Variants in CYB5R3 observed in about 807,000 individuals in gnomAD.
CYB5R3 encodes cytochrome b5 reductase 3, also known as NADH-cytochrome b5 reductase 3.
In CYB5R3, 28 loss-of-function variants were observed where a neutral mutation model predicts 36.5. The ratio of observed to expected loss-of-function variants is 0.77; its 90% CI spans 0.57 to 1.05. The LOEUF (loss-of-function observed/expected upper bound fraction) is 1.05. Ranked by LOEUF, CYB5R3 falls within the 50% of genes least tolerant of loss-of-function variation. CYB5R3 has a pLI of 0.00. For synonymous variants in CYB5R3, 181 were observed against 159.8 expected (o/e 1.13, Z -1.00); for missense variants, 474 against 408.9 (o/e 1.16, Z -1.37).
chr22:42,636,898 C>T (rs1928931321), intron 1 of CYB5R3, 52 bp from the exon 2 acceptor site: 4 of 1,596,750 alleles, frequency 2.5e-6, no homozygotes, highest in African/African-American at 1.3e-5. Flanking sequence ...TTTCCCCAAA[C>T]ACACCGGCTT....
At position 42,628,188 on chromosome 22, in the gene CYB5R3, G is replaced by A. The variant is rs761227385; in HGVS notation, c.427C>T (p.Arg143Trp). Reference sequence around the variant, plus strand: ...TAGACCAGCAGCCCACTGGGGCCCCGGAACTCAATGGTGTCTCCAATCTGC... The same window carrying A: ...TAGACCAGCAGCCCACTGGGGCCCCAGAACTCAATGGTGTCTCCAATCTGC... ...SMQIGDTIEFRGPSGLLVYQG... is the reference protein window; with the variant it reads ...SMQIGDTIEFWGPSGLLVYQG... Residue 143 changes from arginine to tryptophan, a missense_variant, in exon 5 of 9, where the codon CGG (arginine) becomes TGG (tryptophan). Coordinates refer to ENST00000352397, the MANE Select transcript of CYB5R3 (RefSeq NM_000398.7). The A allele has an allele frequency of 4.3e-5, 69 of 1,613,868 alleles. No individual in the cohort carries two copies. The highest frequency in any genetic ancestry group is 5.1e-5 in the Non-Finnish European group (60 of 1,179,974).
intron 1 of CYB5R3, among the ~76,000 whole-genome samples, chr22:42,637,861 G>C: frequency 6.6e-6 from 1 of 152,300 alleles, no homozygotes; most frequent in South Asian, 2.1e-4. Context: ...CTTATACCAC[G>C]CTGGGATACC....
intron 8 of CYB5R3, 58 bp from the exon 9 acceptor site, chr22:42,620,003 A>T: frequency 1.3e-6 from 2 of 1,486,240 alleles, no homozygotes; most frequent in East Asian, 4.9e-5. Context: ...CAACCTGCTG[A>T]CCGACCAACC....
intron 1 of CYB5R3, among the ~76,000 whole-genome samples, chr22:42,639,348 C>A (rs1167775863): frequency 6.8e-6 from 1 of 147,094 alleles, no homozygotes; most frequent in Non-Finnish European, 1.5e-5. Context: ...TGGGGGGGGA[C>A]CGGGCACGGT....
At chr22:42,620,900 T>C (rs1927929925) in intron 8 of CYB5R3, among the ~76,000 whole-genome samples, 1 of 152,216 alleles carries the variant, frequency 6.6e-6, no homozygotes. Context: ...AGTCCGTTTT[T>C]GTACAAATCC....
chr22:42,637,702 C>T (rs115643374), intron 1 of CYB5R3, among the ~76,000 whole-genome samples: 1,904 of 152,322 alleles, frequency 0.012, 37 homozygotes, highest in African/African-American at 0.043. Flanking sequence ...ACGTCGGGTA[C>T]CACACGGGCA....
At chr22:42,634,090 G>A (rs1030811453) in intron 2 of CYB5R3, among the ~76,000 whole-genome samples, 11 of 152,032 alleles carry the variant, frequency 7.2e-5, no homozygotes, top group Non-Finnish European at 1.6e-4. Context: ...GGTGGCTCAC[G>A]CCTGTAATTC....
chr22:42,634,243 C>A (rs987785537), intron 2 of CYB5R3, among the ~76,000 whole-genome samples: 9 of 150,776 alleles, frequency 6.0e-5, no homozygotes, highest in African/African-American at 1.5e-4. Context: ...CACCTGTAAT[C>A]CTAGCTACTT....
chr22:42,646,717 G>A (rs1929556227), intron 1 of CYB5R3: 3 of 985,558 alleles, frequency 3.0e-6, no homozygotes, highest in African/African-American at 1.7e-5. Context: ...CTAACCGGGA[G>A]GAAGTGGGAG....
chr22:42,632,464 CA>C (rs1415193081), intron 2 of CYB5R3: 2 of 152,254 alleles, frequency 1.3e-5, no homozygotes, highest in Non-Finnish European at 2.9e-5. Flanking sequence ...CAGCACAGAG[CA>C]GCTGCCTCAA....
intron 1 of CYB5R3, 142 bp downstream of exon 1, chr22:42,649,153 G>T: frequency 4.3e-6 from 1 of 232,672 alleles, no homozygotes; most frequent in Non-Finnish European, 7.4e-6. Context: ...GGGGTGGGGC[G>T]CGGCGGGCTG....
At chr22:42,638,537 C>G (rs1441035639) in intron 1 of CYB5R3, among the ~76,000 whole-genome samples, 1 of 132,610 alleles carries the variant, frequency 7.5e-6, no homozygotes, top group Non-Finnish European at 1.6e-5. Context: ...AACTCTGTCT[C>G]TGTTGAAAAA....
chr22:42,624,414 C>T (rs1185187738), intron 7 of CYB5R3, among the ~76,000 whole-genome samples: 1 of 152,174 alleles, frequency 6.6e-6, no homozygotes, highest in Non-Finnish European at 1.5e-5. Flanking sequence ...ACTCCCCACC[C>T]AACCTGGCCC....
In CYB5R3 at chr22:42,619,484, T is replaced by TG; in HGVS notation, c.*288dup. Reference sequence around the variant, plus strand: ...GCAGCCCTCAGCCTTATAGTGTGTGTGGGGGGTGGACGAGGGGTCATGAGG... The same window carrying TG: ...GCAGCCCTCAGCCTTATAGTGTGTGTGGGGGGGTGGACGAGGGGTCATGAGG... On this transcript the variant is annotated 3_prime_UTR_variant, in exon 9 of 9. Coordinates refer to ENST00000352397, the MANE Select transcript of CYB5R3 (RefSeq NM_000398.7). 2 of 479,276 alleles carry TG rather than the reference T, an allele frequency of 4.2e-6. No individual in the cohort carries two copies. Among genetic ancestry groups the TG allele is most frequent in the Non-Finnish European group, 3.8e-6 (1 of 260,504 alleles). The allele number at this position is 479,276 out of a possible 1,614,324, so 29.7% of individuals were successfully genotyped here. A position where few individuals can be genotyped will look rare whatever the true frequency, so the allele number is the denominator to read the frequency against.
intron 4 of CYB5R3, among the ~76,000 whole-genome samples, chr22:42,629,003 C>T (rs1050017399): frequency 2.0e-5 from 3 of 152,016 alleles, no homozygotes; most frequent in Non-Finnish European, 2.9e-5. Context: ...TGTCCTGGGC[C>T]CTGGGTGCCA....
chr22:42,622,370 C>A (rs944840070), intron 8 of CYB5R3, among the ~76,000 whole-genome samples: 3 of 152,084 alleles, frequency 2.0e-5, no homozygotes, highest in East Asian at 1.9e-4. Context: ...TACTAAGAAA[C>A]CTGCTCCCAT....
rs564225981 is a variant in CYB5R3 at position 42,644,724 on chromosome 22, A to T, written c.21+4571T>A. ...TAGGGAAAAAGTTGGCCGAAGTTAC[A>T]TTCACAGGAAATCACCATTGTTGGG... On this transcript the variant is annotated intron_variant, in intron 1 of 8. Coordinates refer to ENST00000352397, the MANE Select transcript of CYB5R3 (RefSeq NM_000398.7). 8.8e-5 allele frequency: 79 copies of T among 899,018 alleles called. No individual in the cohort carries two copies. In the African/African-American group the frequency reaches 1.3e-3, roughly 15 times the overall value. 55.7% of individuals were successfully genotyped at this position (899,018 alleles called of 1,614,324 possible).
At chr22:42,633,398 G>C (rs1043892049) in intron 2 of CYB5R3, 1 of 152,336 alleles carries the variant, frequency 6.6e-6, no homozygotes, top group Non-Finnish European at 1.5e-5. Flanking sequence ...TCTGCACGGG[G>C]CCCTGGGATG....
At chr22:42,643,095 C>T (rs1397008367) in intron 1 of CYB5R3, among the ~76,000 whole-genome samples, 2 of 152,158 alleles carry the variant, frequency 1.3e-5, no homozygotes, top group African/African-American at 2.4e-5. Context: ...CTATTCAGAG[C>T]CAGGTAAGAT....
Sources: gnomAD v4.1 joint callset for allele counts (sites outside exome capture counted in the v4.1 genomes callset) on GRCh38, gnomAD v4.1.1 for gene constraint, MANE v1.5 for transcripts, NCBI Gene and HGNC (gene_info 2026-07-23, HGNC 2026-07-21) for gene names.